ACACA: variants seen among roughly 807,000 people sequenced by gnomAD.
The protein encoded by ACACA is acetyl-CoA carboxylase alpha.
Under a neutral mutation model 296.1 loss-of-function variants are expected in ACACA, and 103 were observed. The observed-to-expected ratio is 0.35, with a 90% CI of 0.30 to 0.41. ACACA has a LOEUF of 0.41. ACACA is among the 10% of genes least tolerant of loss of function. ACACA has a pLI of 1.00. For missense variants in ACACA, 1,554 were observed against 2,989.7 expected (o/e 0.52, Z 11.20); for synonymous variants, 953 against 1,038.6 (o/e 0.92, Z 1.58).
chr17:37,164,894 T>C (rs1160161947), intron 41 of ACACA, among the ~76,000 whole-genome samples: 4 of 152,174 alleles, frequency 2.6e-5, no homozygotes, highest in Non-Finnish European at 5.9e-5. Flanking sequence ...TGTGCTAATG[T>C]AAACATTGTG....
At chr17:37,400,300 A>C (rs1022894060) in intron 1 of ACACA, among the ~76,000 whole-genome samples, 2 of 151,946 alleles carry the variant, frequency 1.3e-5, no homozygotes, top group African/African-American at 4.8e-5. Flanking sequence ...TTGTATTTTT[A>C]GTAGAGATGG....
intron 35 of ACACA, among the ~76,000 whole-genome samples, chr17:37,194,177 G>A (rs1248174993): frequency 6.6e-6 from 1 of 152,036 alleles, no homozygotes; most frequent in Non-Finnish European, 1.5e-5. Flanking sequence ...TCTACTGGCA[G>A]TGCTGGAATC....
At chr17:37,228,707 G>A (rs1285896971) in intron 25 of ACACA, among the ~76,000 whole-genome samples, 1 of 152,104 alleles carries the variant, frequency 6.6e-6, no homozygotes, top group East Asian at 1.9e-4. Flanking sequence ...ACTCCTTTCC[G>A]AAGTACTTAC....
In ACACA at chr17:37,339,810, T is replaced by C. The variant is rs1488986368; in HGVS notation, c.79A>G (p.Ile27Val). The C allele has an allele frequency of 1.5e-6, 2 of 1,376,842 alleles. No homozygotes were observed. The highest frequency in any genetic ancestry group is 1.4e-5 in the African/African-American group (1 of 72,898). The allele number at this position is 1,376,842 out of a possible 1,614,324, so 85.3% of individuals were successfully genotyped here. A position where few individuals can be genotyped will look rare whatever the true frequency, so the allele number is the denominator to read the frequency against. ...AGTATTATTTGTAACTGACCTCTTA[T>C]AATTCTTACTGTCTGAGTAGATATC... The part of the protein sequence containing the change: ...KWISTQTVRI[I>V]RAVRAHFGGI... The change falls in exon 2 of 56, where the codon ATA (isoleucine) becomes GTA (valine). Residue 27 changes from isoleucine (I) to valine (V), a missense_variant. This residue lies in a region of ACACA where 140 missense variants were observed against 147.7 expected (regional missense o/e 0.95). Coordinates refer to ENST00000616317, the MANE Select transcript of ACACA (RefSeq NM_198834.3).
intron 2 of ACACA, among the ~76,000 whole-genome samples, chr17:37,331,691 C>T (rs764751509): frequency 2.0e-5 from 3 of 151,880 alleles, no homozygotes; most frequent in Non-Finnish European, 2.9e-5. Flanking sequence ...TGGGTGTGAG[C>T]CACTGTGCCC....
chr17:37,285,396 T>C (rs919981428), intron 3 of ACACA, among the ~76,000 whole-genome samples: 1 of 152,188 alleles, frequency 6.6e-6, no homozygotes, highest in African/African-American at 2.4e-5. Context: ...CTACTAAATG[T>C]TTTACCTGGG....
chr17:37,354,656 G>T (rs1197798154), intron 1 of ACACA, among the ~76,000 whole-genome samples: 1 of 152,186 alleles, frequency 6.6e-6, no homozygotes, highest in Non-Finnish European at 1.5e-5. Flanking sequence ...TGAGTGCAAT[G>T]GCTCACACCT....
chr17:37,382,614 C>G (rs2050346355), intron 1 of ACACA, among the ~76,000 whole-genome samples: 1 of 152,164 alleles, frequency 6.6e-6, no homozygotes, highest in African/African-American at 2.4e-5. Context: ...GTAATCCCAG[C>G]ACTTTGGAAG....
intron 2 of ACACA, among the ~76,000 whole-genome samples, chr17:37,338,570 G>A (rs534471813): frequency 1.7e-4 from 26 of 150,570 alleles, no homozygotes; most frequent in African/African-American, 5.9e-4. Context: ...AAGGAGAATC[G>A]CTTGAACCTG....
chr17:37,251,305 G>A (rs1413363211), intron 16 of ACACA, among the ~76,000 whole-genome samples: 4 of 152,188 alleles, frequency 2.6e-5, no homozygotes, highest in South Asian at 4.1e-4. Flanking sequence ...TACTACATGA[G>A]AGTAACATAG....
intron 3 of ACACA, among the ~76,000 whole-genome samples, chr17:37,326,081 C>T (rs1327126741): frequency 6.6e-6 from 1 of 151,650 alleles, no homozygotes; most frequent in Non-Finnish European, 1.5e-5. Context: ...TGGTGGCACA[C>T]ACCTCCAGTA....
chr17:37,297,099 T>C (rs539038312), intron 3 of ACACA, among the ~76,000 whole-genome samples: 1 of 152,190 alleles, frequency 6.6e-6, no homozygotes, highest in Admixed American at 6.5e-5. Flanking sequence ...ACGTTTTATT[T>C]CTATATGTAT....
intron 52 of ACACA, among the ~76,000 whole-genome samples, chr17:37,105,848 G>C (rs928737909): frequency 5.0e-5 from 7 of 140,002 alleles, no homozygotes; most frequent in African/African-American, 2.0e-4. Context: ...TGGGCAACAA[G>C]AGCGAAACTC....
At chr17:37,323,751 G>T (rs2047460296) in intron 3 of ACACA, among the ~76,000 whole-genome samples, 1 of 152,194 alleles carries the variant, frequency 6.6e-6, no homozygotes, top group Admixed American at 6.5e-5. Flanking sequence ...TGTTCCAACT[G>T]TACTTCAACC....
chr17:37,200,297 G>T, intron 34 of ACACA, 114 bp from the exon 35 acceptor site: 2 of 1,362,024 alleles, frequency 1.5e-6, no homozygotes, highest in Non-Finnish European at 1.0e-6. Context: ...TTTTAAAAAT[G>T]AAACTTACAG....
At chr17:37,391,857 T>A (rs1597792530) in intron 1 of ACACA, 1 of 842,656 alleles carries the variant, frequency 1.2e-6, no homozygotes, top group East Asian at 2.4e-5. Flanking sequence ...TCCTGGTTAA[T>A]GAAGGGAGAG....
At chr17:37,316,302 TACACACACACACACACACACAC>T (rs10533479) in intron 3 of ACACA, among the ~76,000 whole-genome samples, 1 of 142,506 alleles carries the variant, frequency 7.0e-6, no homozygotes, top group Non-Finnish European at 1.5e-5. Flanking sequence ...TACCCTTACA[TACACACACACACACACACACAC>T]ACACACACAC....
Position 37,359,155 on chromosome 17 carries a change from G to C in ACACA, c.39-19305C>G, listed in dbSNP as rs1003558902. The stretch of plus-strand genomic sequence containing the variant: ...AGAAGGGGCGGGGCTTCAGGGGCCT[G>C]ACCCGCCCCCGCCCCGCCCCTGTCT... On this transcript the variant is annotated intron_variant, in intron 1 of 55. Transcript: ENST00000616317. 27 of 984,568 alleles carry C rather than the reference G, an allele frequency of 2.7e-5. No homozygotes were observed. In the African/African-American group the frequency reaches 4.7e-4, roughly 17 times the overall value. The allele number at this position is 984,568 out of a possible 1,614,324, so 61.0% of individuals were successfully genotyped here.
At chr17:37,117,325 T>G (rs567097325) in intron 50 of ACACA, among the ~76,000 whole-genome samples, 1 of 152,352 alleles carries the variant, frequency 6.6e-6, no homozygotes, top group East Asian at 1.9e-4. Flanking sequence ...ATCCTAGTAA[T>G]CAGAGACTTT....
Sources: allele counts gnomAD v4.1 joint callset (sites outside exome capture counted in the v4.1 genomes callset), GRCh38; gene constraint gnomAD v4.1.1; regional missense constraint gnomAD v4.1.1; transcripts MANE v1.5; gene names NCBI Gene and HGNC (gene_info 2026-07-23, HGNC 2026-07-21).